The following SYNE1 variants were observed in gnomAD, a reference collection of about 807,000 sequenced individuals.
SYNE1 encodes the protein spectrin repeat containing nuclear envelope protein 1.
In SYNE1, 616 loss-of-function variants were observed where a neutral mutation model predicts 1,111.0. The ratio of observed to expected loss-of-function variants is 0.55; its 90% CI spans 0.52 to 0.59. The LOEUF (loss-of-function observed/expected upper bound fraction) is 0.59, where lower values mean the gene tolerates loss of function less well. Among genes scored for constraint, SYNE1 ranks in the 20% least tolerant of loss-of-function variants. The probability of loss-of-function intolerance (pLI) is 0.00; values close to 1 mark genes in which losing one functional copy is unlikely to be tolerated. For missense variants in SYNE1, 10,006 were observed against 10,417.0 expected (o/e 0.96, Z 1.72); for synonymous variants, 3,855 against 3,825.8 (o/e 1.01, Z -0.28).
intron 127 of SYNE1, among the ~76,000 whole-genome samples, chr6:152,196,039 G>A (rs1463749931): frequency 3.9e-5 from 6 of 152,128 alleles, no homozygotes; most frequent in Admixed American, 6.6e-5. Flanking sequence ...CTGAGGAGTC[G>A]CTCCCCAGGT....
At chr6:152,295,269 G>GTTT (rs1231955665) in intron 93 of SYNE1, among the ~76,000 whole-genome samples, 2 of 152,128 alleles carry the variant, frequency 1.3e-5, no homozygotes, top group Non-Finnish European at 2.9e-5. Context: ...TTTTGTTGTT[G>GTTT]TTCCTGAGGT....
chr6:152,611,148 T>C (rs2099630163), intron 3 of SYNE1, among the ~76,000 whole-genome samples: 1 of 152,128 alleles, frequency 6.6e-6, no homozygotes. Flanking sequence ...CATAACAATA[T>C]TAACCTTAAA....
At chr6:152,549,696 G>A (rs2099330595) in intron 3 of SYNE1, among the ~76,000 whole-genome samples, 1 of 152,204 alleles carries the variant, frequency 6.6e-6, no homozygotes, top group South Asian at 2.1e-4. Flanking sequence ...CTGTGGGCTT[G>A]AGGGAAAAGA....
chr6:152,204,297 T>C (rs2076080345), intron 126 of SYNE1, among the ~76,000 whole-genome samples: 1 of 143,648 alleles, frequency 7.0e-6, no homozygotes, highest in Non-Finnish European at 1.5e-5. Context: ...CCCAGAAGAG[T>C]GGAGGTTGCA....
At chr6:152,273,121 T>C (rs2093332793) in intron 98 of SYNE1, among the ~76,000 whole-genome samples, 1 of 152,232 alleles carries the variant, frequency 6.6e-6, no homozygotes, top group Non-Finnish European at 1.5e-5. Context: ...AGTAAAACAC[T>C]ACCACATTTT....
chr6:152,376,376 C>T lies in SYNE1; in HGVS notation c.9324+5G>A. 1 of 1,613,850 alleles carries T rather than the reference C, an allele frequency of 6.2e-7. No homozygotes were observed. The highest frequency in any genetic ancestry group is 8.5e-7 in the Non-Finnish European group (1 of 1,179,810). ...GCTACTAGAATTAATTGATAACACC[C>T]TTACCTGTATTTTCTGAAGACTAGT... On this transcript the variant is annotated splice_donor_5th_base_variant and intron_variant, in intron 58 of 145. Coordinates refer to ENST00000367255, the MANE Select transcript of SYNE1 (RefSeq NM_182961.4).
chr6:152,239,468 G>T, intron 108 of SYNE1, 65 bp downstream of exon 108: 2 of 1,592,626 alleles, frequency 1.3e-6, no homozygotes, highest in Non-Finnish European at 1.7e-6. Flanking sequence ...GATACATCTT[G>T]CATTAAAGGT....
At position 152,219,012 on chromosome 6, in the gene SYNE1, A is replaced by G. The variant is rs750669148; in HGVS notation, c.22035T>C (p.Thr7345=). The part of the protein sequence containing the change: ...ALEQALCKQQ[T]SLQAGVLDYE... ...AATAGGAGCTCTGTACCTGTAATGA[A>G]GTCTGCTGTTTGCAGAGAGCTTGCT... The change falls in exon 120 of 146, where the codon ACT becomes ACC. Residue 7345 remains threonine (T), a synonymous_variant. Coordinates refer to ENST00000367255, the MANE Select transcript of SYNE1 (RefSeq NM_182961.4). The G allele has an allele frequency of 5.0e-6, 8 of 1,613,868 alleles. No individual in the cohort carries two copies. The East Asian group carries it at 1.3e-4, about 27-fold the overall frequency.
At chr6:152,515,094 T>C (rs2099104953) in intron 6 of SYNE1, among the ~76,000 whole-genome samples, 2 of 151,912 alleles carry the variant, frequency 1.3e-5, no homozygotes, top group African/African-American at 2.4e-5. Flanking sequence ...TGGTGGCGCA[T>C]GCCTGTAGTC....
intron 74 of SYNE1, among the ~76,000 whole-genome samples, chr6:152,342,048 T>C (rs1317330799): frequency 6.6e-6 from 1 of 152,050 alleles, no homozygotes; most frequent in African/African-American, 2.4e-5. Context: ...AGTCCAAGTG[T>C]CTCCACCACC....
At chr6:152,523,402 C>T (rs1251648236) in intron 5 of SYNE1, among the ~76,000 whole-genome samples, 1 of 152,022 alleles carries the variant, frequency 6.6e-6, no homozygotes, top group Non-Finnish European at 1.5e-5. Flanking sequence ...TATTCTGTTC[C>T]ATTGGTCTAT....
intron 74 of SYNE1, among the ~76,000 whole-genome samples, chr6:152,343,168 T>G (rs1029964312): frequency 2.4e-4 from 36 of 151,802 alleles, no homozygotes; most frequent in Non-Finnish European, 2.2e-4. Flanking sequence ...TTTTTTTTTT[T>G]TTGAGACAGA....
At chr6:152,583,825 C>T (rs565133284) in intron 3 of SYNE1, among the ~76,000 whole-genome samples, 64 of 152,258 alleles carry the variant, frequency 4.2e-4, no homozygotes, top group African/African-American at 1.4e-3. Context: ...GAATTAGACT[C>T]GGGTGGGCCT....
At chr6:152,431,731 C>G (rs2098431457) in intron 34 of SYNE1, among the ~76,000 whole-genome samples, 1 of 152,072 alleles carries the variant, frequency 6.6e-6, no homozygotes, top group African/African-American at 2.4e-5. Context: ...ACACCATAGT[C>G]AGAAATAATT....
At chr6:152,604,753 A>G (rs1328834000) in intron 3 of SYNE1, among the ~76,000 whole-genome samples, 2 of 151,436 alleles carry the variant, frequency 1.3e-5, no homozygotes, top group Admixed American at 6.6e-5. Context: ...CAGCCTGGGA[A>G]ACATAGTGAG....
chr6:152,517,706 T>C (rs868489312), intron 6 of SYNE1, among the ~76,000 whole-genome samples: 16 of 152,194 alleles, frequency 1.1e-4, no homozygotes, highest in Non-Finnish European at 1.9e-4. Context: ...CCAGGACATA[T>C]TGATAAGTGA....
intron 93 of SYNE1, among the ~76,000 whole-genome samples, chr6:152,295,221 T>A (rs73783822): frequency 0.019 from 2,915 of 152,310 alleles, 87 homozygotes; most frequent in African/African-American, 0.068. Context: ...GAGGATTATA[T>A]GAAATAATAT....
intron 3 of SYNE1, among the ~76,000 whole-genome samples, chr6:152,545,406 C>G (rs1344462074): frequency 6.6e-6 from 1 of 151,966 alleles, no homozygotes; most frequent in Admixed American, 6.6e-5. Context: ...ATGGTGAAAC[C>G]CTGTCTCTAT....
In SYNE1 at chr6:152,344,231, A is replaced by G. The variant is rs749035276; in HGVS notation, c.12079-4T>C. 50 of 1,614,064 alleles carry G rather than the reference A, an allele frequency of 3.1e-5. No homozygotes were observed. Among genetic ancestry groups the G allele is most frequent in the Non-Finnish European group, 4.2e-5 (49 of 1,180,040 alleles). On this transcript the variant is annotated splice_polypyrimidine_tract_variant and splice_region_variant and intron_variant, in intron 73 of 145. Transcript: ENST00000367255. ...CGTGTTCCAAACTCTGGTACATCTG[A>G]GACAATACAATCATGCTGAGATTAT...
Sources: gnomAD v4.1 joint callset for allele counts (sites outside exome capture counted in the v4.1 genomes callset) on GRCh38, gnomAD v4.1.1 for gene constraint, MANE v1.5 for transcripts, NCBI Gene and HGNC (gene_info 2026-07-23, HGNC 2026-07-21) for gene names.